Variants in PAM observed in about 807,000 individuals in gnomAD.
PAM encodes the protein peptidyl-glycine alpha-amidating monooxygenase.
A neutral mutation model predicts 122.1 loss-of-function variants in PAM; 72 were observed. That is an observed-to-expected ratio of 0.59 (90% CI 0.49 to 0.72). PAM has a LOEUF of 0.72. Among genes scored for constraint, PAM ranks in the 30% least tolerant of loss-of-function variants. The pLI is 0.00. For missense variants in PAM, 1,106 were observed against 1,183.7 expected, an observed-to-expected ratio of 0.93 and a Z score of 0.96; for synonymous variants, 389 against 404.4, an observed-to-expected ratio of 0.96 and a Z score of 0.46.
At chr5:102,803,147 AAGGAAGGAAGGAAGG>A (rs1561486568) in intron 1 of PAM, among the ~76,000 whole-genome samples, 2 of 1,022 alleles carry the variant, frequency 2.0e-3, no homozygotes, top group East Asian at 0.036. Flanking sequence ...GAAAGAAAGA[AAGGAAGGAAGGAAGG>A]AAGGAAGGAA....
At chr5:102,988,138 C>G (rs958427423) in intron 15 of PAM, among the ~76,000 whole-genome samples, 1 of 152,184 alleles carries the variant, frequency 6.6e-6, no homozygotes, top group African/African-American at 2.4e-5. Context: ...GACATACACA[C>G]GTATCCTTTC....
chr5:102,839,383 G>T (rs893112166), intron 1 of PAM, among the ~76,000 whole-genome samples: 4 of 151,676 alleles, frequency 2.6e-5, no homozygotes, highest in Non-Finnish European at 2.9e-5. Flanking sequence ...AGATAATTGT[G>T]CCAGTTGGCC....
Position 102,884,124 on chromosome 5 carries a change from C to T in PAM, c.210+16731C>T, listed in dbSNP as rs1342630390. 7.2e-5 allele frequency among the ~76,000 whole-genome samples: 11 copies of T among 151,904 alleles called. 1 individual carries two copies. In the South Asian group the frequency reaches 2.3e-3, roughly 32 times the overall value. On this transcript the variant is annotated intron_variant, in intron 3 of 25. Coordinates refer to ENST00000438793, the MANE Select transcript of PAM (RefSeq NM_001177306.2). ...GCAAGGAGTAAGTTATAAAGAGTCA[C>T]ATCAGCCTAAAAACACTGGTTCCCT...
chr5:103,006,693 C>A, intron 18 of PAM, 108 bp from the exon 19 acceptor site: 1 of 724,914 alleles, frequency 1.4e-6, no homozygotes, highest in Non-Finnish European at 2.4e-6. Context: ...TTAAATAAGT[C>A]TCTGGGAGCT....
chr5:102,969,315 T>C (rs1441593159), intron 14 of PAM, among the ~76,000 whole-genome samples: 1 of 151,200 alleles, frequency 6.6e-6, no homozygotes, highest in Non-Finnish European at 1.5e-5. Flanking sequence ...CTCAGAAATA[T>C]ATAGCTGAAC....
chr5:102,783,758 G>A (rs1313153291), intron 1 of PAM, among the ~76,000 whole-genome samples: 1 of 152,300 alleles, frequency 6.6e-6, no homozygotes, highest in African/African-American at 2.4e-5. Context: ...ATGGAAAAGG[G>A]GAAGATGAAT....
At chr5:102,847,227 T>A (rs1359064450) in intron 1 of PAM, among the ~76,000 whole-genome samples, 1 of 152,106 alleles carries the variant, frequency 6.6e-6, no homozygotes, top group Non-Finnish European at 1.5e-5. Flanking sequence ...TCACCTGAGG[T>A]CAGGAGTTCA....
chr5:103,004,821 T>C (rs1258583747), intron 17 of PAM, among the ~76,000 whole-genome samples: 1 of 152,230 alleles, frequency 6.6e-6, no homozygotes, highest in Non-Finnish European at 1.5e-5. Flanking sequence ...TTATACATAT[T>C]TGTAAGATGT....
chr5:102,784,460 T>C (rs1304869136), intron 1 of PAM, among the ~76,000 whole-genome samples: 1 of 152,206 alleles, frequency 6.6e-6, no homozygotes, highest in African/African-American at 2.4e-5. Flanking sequence ...TATGACCCTG[T>C]CCTCCTCCTT....
At chr5:102,975,129 T>C (rs148356282) in intron 15 of PAM, among the ~76,000 whole-genome samples, 5 of 152,318 alleles carry the variant, frequency 3.3e-5, no homozygotes, top group Non-Finnish European at 4.4e-5. Context: ...TTGTCTTTAA[T>C]TGTGTTGTGG....
chr5:103,001,841 A>G (rs563804950), intron 16 of PAM, among the ~76,000 whole-genome samples: 1 of 152,130 alleles, frequency 6.6e-6, no homozygotes, highest in Non-Finnish European at 1.5e-5. Flanking sequence ...AATTGCAAAT[A>G]TATAATAGCA....
At chr5:102,773,156 A>G (rs1340558507) in intron 1 of PAM, among the ~76,000 whole-genome samples, 2 of 152,150 alleles carry the variant, frequency 1.3e-5, no homozygotes, top group Admixed American at 6.5e-5. Flanking sequence ...TCCTGGGTTC[A>G]CAGTTGCTAC....
intron 1 of PAM, among the ~76,000 whole-genome samples, chr5:102,822,191 A>T (rs1447749968): frequency 6.6e-6 from 1 of 152,148 alleles, no homozygotes; most frequent in Non-Finnish European, 1.5e-5. Context: ...TGCATCATTT[A>T]TTGTTGTACA....
chr5:102,818,050 C>T (rs902047665), intron 1 of PAM, among the ~76,000 whole-genome samples: 5 of 134,318 alleles, frequency 3.7e-5, no homozygotes, highest in African/African-American at 1.4e-4. Context: ...AAAAAAAAGA[C>T]CTATTTAAAA....
chr5:102,826,490 A>G (rs989983728), intron 1 of PAM, among the ~76,000 whole-genome samples: 4 of 152,168 alleles, frequency 2.6e-5, no homozygotes, highest in African/African-American at 9.7e-5. Flanking sequence ...TTGTAGACAT[A>G]CGGTAGATTT....
At chr5:103,026,005 AAATT>A (rs1784842198) in intron 24 of PAM, among the ~76,000 whole-genome samples, 1 of 152,230 alleles carries the variant, frequency 6.6e-6, no homozygotes. Context: ...TTTTCAAGAA[AAATT>A]AATTCTATAA....
chr5:102,890,414 A>G (rs903905295), intron 3 of PAM, among the ~76,000 whole-genome samples: 4 of 151,904 alleles, frequency 2.6e-5, no homozygotes, highest in African/African-American at 9.7e-5. Context: ...GTTACGTATG[A>G]TAAGTATTCT....
chr5:102,838,000 A>G (rs1274265722), intron 1 of PAM, among the ~76,000 whole-genome samples: 1 of 152,236 alleles, frequency 6.6e-6, no homozygotes, highest in African/African-American at 2.4e-5. Context: ...TAACATTTAA[A>G]AAGTAATTTA....
intron 12 of PAM, 91 bp from the exon 13 acceptor site, chr5:102,959,784 T>C (rs1047109920): frequency 1.8e-5 from 14 of 768,918 alleles, no homozygotes; most frequent in Middle Eastern, 2.5e-4. Flanking sequence ...TTTGAATCCA[T>C]TGCTGGCAGA....
Sources: gnomAD v4.1 joint callset for allele counts (sites outside exome capture counted in the v4.1 genomes callset) on GRCh38, gnomAD v4.1.1 for gene constraint, MANE v1.5 for transcripts, NCBI Gene and HGNC (gene_info 2026-07-23, HGNC 2026-07-21) for gene names.